Variants in SDC3 observed in about 807,000 individuals in gnomAD.
SDC3 encodes the protein syndecan-3.
A neutral mutation model predicts 24.4 loss-of-function variants in SDC3; 13 were observed. That is an observed-to-expected ratio of 0.53 (90% CI 0.35 to 0.85). SDC3 has a LOEUF of 0.85. Among genes scored for constraint, SDC3 ranks in the 40% least tolerant of loss-of-function variants. The pLI is 0.01. For synonymous variants in SDC3, 295 were observed against 260.9 expected (o/e 1.13, Z -1.26); for missense variants, 571 against 584.5 (o/e 0.98, Z 0.24).
intron 1 of SDC3, among the ~76,000 whole-genome samples, chr1:30,904,186 C>T (rs1475399652): frequency 1.3e-5 from 2 of 152,140 alleles, no homozygotes; most frequent in Non-Finnish European, 2.9e-5. Flanking sequence ...GATCATACCA[C>T]CACACTCCAG....
chr1:30,885,514 T>C (rs1466438317), intron 1 of SDC3, among the ~76,000 whole-genome samples: 1 of 152,240 alleles, frequency 6.6e-6, no homozygotes, highest in African/African-American at 2.4e-5. Context: ...CCATCCCTGG[T>C]GTTCTCTGGT....
rs1405991440 is a variant in SDC3 at position 30,873,098 on chromosome 1, G to A, written c.*113C>T. The stretch of plus-strand genomic sequence containing the variant: ...TGGGCAGACCTTGGGAGAGAGGGCA[G>A]AGAAGAACTGGGGCCAGGTTCCAGG... On this transcript the variant is annotated 3_prime_UTR_variant, in exon 5 of 5. Transcript: ENST00000339394. 3.9e-6 allele frequency: 3 copies of A among 774,326 alleles called. No homozygotes were observed. In the East Asian group the frequency reaches 7.3e-5, roughly 19 times the overall value. The allele number at this position is 774,326 out of a possible 1,614,324, so 48.0% of individuals were successfully genotyped here. A position where few individuals can be genotyped will look rare whatever the true frequency, so the allele number is the denominator to read the frequency against.
chr1:30,877,175 TG>T lies in SDC3; in HGVS notation c.257-11del. On this transcript the variant is annotated splice_polypyrimidine_tract_variant and intron_variant, in intron 2 of 4. Transcript: ENST00000339394. ...GACTCCTGCTCGAAGTCTGAGGGGG[TG>T]GGGGAGAGGGAGAGAGCTAGGGAGC... 1 of 1,610,242 alleles carries T rather than the reference TG, an allele frequency of 6.2e-7. No individual in the cohort carries two copies. Among genetic ancestry groups the T allele is most frequent in the Non-Finnish European group, 8.5e-7 (1 of 1,178,842 alleles).
intron 1 of SDC3, among the ~76,000 whole-genome samples, chr1:30,900,322 T>A (rs1470832985): frequency 6.6e-6 from 1 of 152,210 alleles, no homozygotes; most frequent in African/African-American, 2.4e-5. Flanking sequence ...TTTCTCATCA[T>A]CTTCCTCGTC....
At position 30,869,786 on chromosome 1, in the gene SDC3, T is replaced by A; in HGVS notation, c.*3425A>T. On this transcript the variant is annotated 3_prime_UTR_variant, in exon 5 of 5. Transcript: ENST00000339394. The stretch of plus-strand genomic sequence containing the variant: ...CAGACCCCCACCCACCCCAGGCAGG[T>A]TCTGTACAGGAGAAAGGACTCACAG... The A allele has an allele frequency of 2.5e-6, 1 of 398,460 alleles. No individual in the cohort carries two copies. The highest frequency in any genetic ancestry group is 4.4e-6 in the Non-Finnish European group (1 of 226,162). 24.7% of individuals were successfully genotyped at this position (398,460 alleles called of 1,614,324 possible). A position where few individuals can be genotyped will look rare whatever the true frequency, so the allele number is the denominator to read the frequency against.
rs11338317 is a variant in SDC3, at chr1:30,869,536, C to CAAAA, written c.*3671_*3674dup. 56 of 348,178 alleles carry CAAAA rather than the reference C, an allele frequency of 1.6e-4. No homozygotes were observed. The highest frequency in any genetic ancestry group is 2.6e-4 in the African/African-American group (10 of 38,428). The allele number at this position is 348,178 out of a possible 1,614,324, so 21.6% of individuals were successfully genotyped here. A position where few individuals can be genotyped will look rare whatever the true frequency, so the allele number is the denominator to read the frequency against. Reference sequence around the variant, plus strand: ...AGGAAGTGTTAAAAAAACAAACAAACAAAAAAAAAAAAAAAAAAAAAAAAA... The same window carrying CAAAA: ...AGGAAGTGTTAAAAAAACAAACAAACAAAAAAAAAAAAAAAAAAAAAAAAAAAAA... On this transcript the variant is annotated 3_prime_UTR_variant, in exon 5 of 5. Transcript: ENST00000339394.
chr1:30,881,526 TGCCCGGTGGAA>T, intron 1 of SDC3: 1 of 152,236 alleles, frequency 6.6e-6, no homozygotes, highest in African/African-American at 2.4e-5. Flanking sequence ...ACAGCGAGCG[TGCCCGGTGGAA>T]GCACTGAACC....
chr1:30,872,859 A>C lies in SDC3; in HGVS notation c.*352T>G, dbSNP rs1639563455. On this transcript the variant is annotated 3_prime_UTR_variant, in exon 5 of 5. Coordinates refer to ENST00000339394, the MANE Select transcript of SDC3 (RefSeq NM_014654.4). The stretch of plus-strand genomic sequence containing the variant: ...GATCTCAGTGAGCACTGTGGGTGCC[A>C]AGTCAGGGCTCAGGCTCATCTCAAG... 2 of 273,876 alleles carry C rather than the reference A, an allele frequency of 7.3e-6. No individual in the cohort carries two copies. The highest frequency in any genetic ancestry group is 4.3e-5 in the African/African-American group (2 of 46,150). The allele number at this position is 273,876 out of a possible 1,614,324, so 17.0% of individuals were successfully genotyped here. A position where few individuals can be genotyped will look rare whatever the true frequency, so the allele number is the denominator to read the frequency against.
At chr1:30,893,535 C>T (rs1310585314) in intron 1 of SDC3, among the ~76,000 whole-genome samples, 1 of 152,036 alleles carries the variant, frequency 6.6e-6, no homozygotes, top group African/African-American at 2.4e-5. Context: ...GTCCCCTCCT[C>T]ATGGAGGCGT....
chr1:30,906,299 C>T (rs565541115), intron 1 of SDC3, among the ~76,000 whole-genome samples: 21 of 152,228 alleles, frequency 1.4e-4, no homozygotes, highest in African/African-American at 4.1e-4. Context: ...CCTCACCAGG[C>T]GCCCCAGTAC....
At chr1:30,898,432 G>A (rs1390542872) in intron 1 of SDC3, among the ~76,000 whole-genome samples, 2 of 152,154 alleles carry the variant, frequency 1.3e-5, no homozygotes, top group Non-Finnish European at 2.9e-5. Context: ...CCCCCTGGGG[G>A]TCCCTAGTGC....
chr1:30,878,569 C>T, intron 2 of SDC3, 54 bp downstream of exon 2: 1 of 1,462,940 alleles, frequency 6.8e-7, no homozygotes, highest in South Asian at 1.1e-5. Flanking sequence ...AGAGTTGAGG[C>T]TGGATACAGA....
At chr1:30,885,364 A>G (rs1639812986) in intron 1 of SDC3, among the ~76,000 whole-genome samples, 2 of 152,328 alleles carry the variant, frequency 1.3e-5, no homozygotes, top group African/African-American at 4.8e-5. Flanking sequence ...TTATAACTAA[A>G]GGTTCCCAGA....
chr1:30,902,787 C>T (rs1638441477), intron 1 of SDC3, among the ~76,000 whole-genome samples: 1 of 152,234 alleles, frequency 6.6e-6, no homozygotes, highest in Non-Finnish European at 1.5e-5. Context: ...CCGATGCAGC[C>T]CCCTGGCGCC....
intron 1 of SDC3, among the ~76,000 whole-genome samples, chr1:30,901,367 C>T (rs910134479): frequency 3.3e-5 from 5 of 152,228 alleles, no homozygotes; most frequent in African/African-American, 4.8e-5. Flanking sequence ...GCCCATGTGA[C>T]AGACAGAACA....
rs780370974 is a variant in SDC3 at position 30,874,558 on chromosome 1, T to C, written c.901A>G (p.Ile301Val). The C allele has an allele frequency of 1.9e-6, 3 of 1,614,068 alleles. No homozygotes were observed. The highest frequency in any genetic ancestry group is 1.7e-6 in the Non-Finnish European group (2 of 1,180,002). The change falls in exon 4 of 5, where the codon ATC becomes GTC. Residue 301 changes from isoleucine to valine, a missense_variant. This residue lies in a region of SDC3 where 497 missense variants were observed against 471.6 expected (regional missense o/e 1.05). Transcript: ENST00000339394. ...TPTPETFLTT[I>V]RDEPEVPVSG... ...ACCGGAACCTCTGGCTCATCCCGGA[T>C]TGTGGTCAGGAAGGTCTCTGGAGTT...
rs569509999 is a variant in SDC3, at chr1:30,871,580, A to T, written c.*1631T>A. On this transcript the variant is annotated 3_prime_UTR_variant, in exon 5 of 5. Transcript: ENST00000339394. ...GCTGCAGCCAGAATTGTTTGGCCAA[A>T]TAGGTGAGGGGGTGTCCACAGGGAG... 824 of 152,444 alleles carry T rather than the reference A, an allele frequency of 5.4e-3. 13 individuals are homozygous for T. In the East Asian group the frequency reaches 0.056, roughly 10 times the overall value. 9.4% of individuals were successfully genotyped at this position (152,444 alleles called of 1,614,324 possible).
At chr1:30,882,220 G>A (rs930883040) in intron 1 of SDC3, among the ~76,000 whole-genome samples, 5 of 152,118 alleles carry the variant, frequency 3.3e-5, no homozygotes, top group African/African-American at 7.2e-5. Context: ...ACACATGCGC[G>A]CAAACACGCA....
At chr1:30,893,788 C>A (rs1639942383) in intron 1 of SDC3, among the ~76,000 whole-genome samples, 1 of 152,156 alleles carries the variant, frequency 6.6e-6, no homozygotes, top group Admixed American at 6.5e-5. Flanking sequence ...CCCCAGCTGT[C>A]AATTTCCTCA....
Sources: allele counts gnomAD v4.1 joint callset (sites outside exome capture counted in the v4.1 genomes callset), GRCh38; gene constraint gnomAD v4.1.1; regional missense constraint gnomAD v4.1.1; transcripts MANE v1.5; gene names NCBI Gene and HGNC (gene_info 2026-07-23, HGNC 2026-07-21).